Variants in PDE1C observed in about 807,000 individuals in gnomAD.
PDE1C encodes the protein dual specificity calcium/calmodulin-dependent 3',5'-cyclic nucleotide phosphodiesterase 1C.
In PDE1C, 62 loss-of-function variants were observed where a neutral mutation model predicts 93.1. The observed-to-expected ratio is 0.67, with a 90% confidence interval of 0.54 to 0.82. The LOEUF is 0.82. Ranked by LOEUF, PDE1C falls within the 40% of genes least tolerant of loss-of-function variation. The probability of loss-of-function intolerance (pLI) is 0.00; values close to 1 mark genes in which losing one functional copy is unlikely to be tolerated. For missense variants in PDE1C, 742 were observed against 884.6 expected, an observed-to-expected ratio of 0.84 and a Z score of 2.04; for synonymous variants, 325 against 310.1, an observed-to-expected ratio of 1.05 and a Z score of -0.50.
At chr7:32,293,838 C>G (rs1450356192) in intron 1 of PDE1C, among the ~76,000 whole-genome samples, 1 of 152,188 alleles carries the variant, frequency 6.6e-6, no homozygotes, top group Non-Finnish European at 1.5e-5. Flanking sequence ...CACTCCCAAC[C>G]AGGTGTAAAA....
At chr7:31,747,126 A>T (rs1794023787), downstream of PDE1C, among the ~76,000 whole-genome samples, 1 of 152,160 alleles carries the variant, frequency 6.6e-6, no homozygotes, top group African/African-American at 2.4e-5. Flanking sequence ...GGATGACAGG[A>T]GCATGGTTGA....
chr7:32,307,916 G>A (rs562037446), intron 1 of PDE1C, among the ~76,000 whole-genome samples: 107 of 152,324 alleles, frequency 7.0e-4, no homozygotes, highest in Middle Eastern at 3.4e-3. Flanking sequence ...TGCGTGAGCC[G>A]AAGCAGGGCG....
chr7:32,369,420 C>G (rs186357083), intron 1 of PDE1C, among the ~76,000 whole-genome samples: 219 of 152,172 alleles, frequency 1.4e-3, no homozygotes, highest in African/African-American at 5.1e-3. Flanking sequence ...TCAGTGAAAT[C>G]AAAATCACAG....
chr7:32,156,657 A>G (rs754502939), intron 3 of PDE1C, among the ~76,000 whole-genome samples: 18 of 152,200 alleles, frequency 1.2e-4, no homozygotes, highest in Non-Finnish European at 1.6e-4. Flanking sequence ...TCCAGAGTCT[A>G]CACTGATACT....
chr7:32,158,227 T>C (rs557730655), intron 3 of PDE1C, among the ~76,000 whole-genome samples: 1 of 152,338 alleles, frequency 6.6e-6, no homozygotes, highest in South Asian at 2.1e-4. Flanking sequence ...GCAGAGTTCA[T>C]GAGTCACGCT....
chr7:32,282,507 T>TAGATAGATAGATAGATAGATAGATAGAG (rs1562647692), intron 1 of PDE1C, among the ~76,000 whole-genome samples: 1 of 151,262 alleles, frequency 6.6e-6, no homozygotes, highest in Non-Finnish European at 1.5e-5. Flanking sequence ...GATAGATAGA[T>TAGATAGATAGATAGATAGATAGATAGAG]AGATGGTCAA....
At chr7:32,206,854 G>A (rs56188619) in intron 2 of PDE1C, among the ~76,000 whole-genome samples, 19,136 of 152,180 alleles carry the variant, frequency 0.13, 1,253 homozygotes, top group South Asian at 0.2. Flanking sequence ...TTCACACAGC[G>A]CACTCAAGTC....
chr7:32,171,793 C>G (rs1802669619), intron 2 of PDE1C, among the ~76,000 whole-genome samples: 1 of 149,308 alleles, frequency 6.7e-6, no homozygotes, highest in Non-Finnish European at 1.5e-5. Context: ...CTGAGGTAAC[C>G]AATTCCCTTG....
rs34671338 is a variant in PDE1C, at chr7:32,000,993, C to CGTGTGT, written c.128+50555_128+50560dup. On this transcript the variant is annotated intron_variant, in intron 2 of 17. Transcript: ENST00000396191. ...GTATACATGTGCCTGTGTGTGTATACGTGTGTGTGTGTGTGTGTGTGTGTA... is the reference window on the plus strand; with the variant it reads ...GTATACATGTGCCTGTGTGTGTATACGTGTGTGTGTGTGTGTGTGTGTGTGTGTGTA... Among the ~76,000 whole-genome samples, 109 of 149,166 alleles carry CGTGTGT rather than the reference C, an allele frequency of 7.3e-4. 5 individuals are homozygous for CGTGTGT. The highest frequency in any genetic ancestry group is 2.1e-3 in the African/African-American group (84 of 40,712).
Position 32,133,177 on chromosome 7 carries a change from T to C in PDE1C, c.308+36608A>G, listed in dbSNP as rs1186245769. On this transcript the variant is annotated intron_variant, in intron 3 of 18. Coordinates refer to the PDE1C transcript ENST00000396193. Reference sequence around the variant, plus strand: ...TATAAATTTGGCAGTCATGGACATATATACAGCGTTTAAAGACATGAGCTA... The same window carrying C: ...TATAAATTTGGCAGTCATGGACATACATACAGCGTTTAAAGACATGAGCTA... 3.9e-5 allele frequency among the ~76,000 whole-genome samples: 6 copies of C among 152,298 alleles called. No homozygotes were observed. In the South Asian group the frequency reaches 1.0e-3, roughly 26 times the overall value.
At chr7:31,653,180 A>G in the PDE1C span, 13 of 228,570 alleles carry the variant, frequency 5.7e-5, no homozygotes, top group Non-Finnish European at 4.3e-5. Context: ...TGCCAAGGTT[A>G]AGGATACACA....
upstream of PDE1C, among the ~76,000 whole-genome samples, chr7:32,300,341 G>A (rs535994955): frequency 6.6e-6 from 1 of 152,302 alleles, no homozygotes; most frequent in African/African-American, 2.4e-5. Flanking sequence ...GGTTGGTAGC[G>A]AGATTAATTA....
At chr7:32,106,373 T>C (rs1477069919) in intron 3 of PDE1C, among the ~76,000 whole-genome samples, 7 of 152,030 alleles carry the variant, frequency 4.6e-5, no homozygotes, top group Admixed American at 4.6e-4. Flanking sequence ...GTCCTTCTCT[T>C]AAATATGAGC....
At chr7:31,724,540 C>A in the PDE1C span, among the ~76,000 whole-genome samples, 1 of 152,182 alleles carries the variant, frequency 6.6e-6, no homozygotes, top group Admixed American at 6.5e-5. Flanking sequence ...GGGGGAAGGG[C>A]ATTGATCGTT....
intron 2 of PDE1C, among the ~76,000 whole-genome samples, chr7:32,033,262 G>C (rs962387858): frequency 6.6e-6 from 1 of 152,052 alleles, no homozygotes; most frequent in Non-Finnish European, 1.5e-5. Flanking sequence ...TGGGCTCAAA[G>C]AAAAGGGAGA....
intron 1 of PDE1C, among the ~76,000 whole-genome samples, chr7:32,213,566 A>G (rs980351475): frequency 6.6e-6 from 1 of 152,148 alleles, no homozygotes; most frequent in African/African-American, 2.4e-5. Context: ...TGACAGTCCA[A>G]CAGCACGCTG....
chr7:31,808,973 C>A, intron 16 of PDE1C, 58 bp downstream of exon 16: 3 of 989,310 alleles, frequency 3.0e-6, no homozygotes, highest in Non-Finnish European at 4.8e-6. Context: ...ATGATTCTAA[C>A]AAGCTTACAT....
chr7:32,048,441 A>G lies in PDE1C; in HGVS notation c.128+3113T>C, dbSNP rs191347378. On this transcript the variant is annotated intron_variant, in intron 2 of 17. Transcript: ENST00000396191. The stretch of plus-strand genomic sequence containing the variant: ...CAAGTGCAATTGCCCTGAGCCCACC[A>G]TGTAGTAAGAAGCCCAAGCCAGATG... 2.5e-3 allele frequency among the ~76,000 whole-genome samples: 376 copies of G among 152,192 alleles called. 1 individual carries two copies. The highest frequency in any genetic ancestry group is 8.3e-3 in the African/African-American group (343 of 41,526).
chr7:32,037,678 T>C (rs972491036), intron 2 of PDE1C, among the ~76,000 whole-genome samples: 3 of 152,226 alleles, frequency 2.0e-5, no homozygotes, highest in African/African-American at 7.2e-5. Context: ...TATGACTTTG[T>C]ACCTTTGTCA....
Sources: allele counts gnomAD v4.1 joint callset (sites outside exome capture counted in the v4.1 genomes callset), GRCh38; gene constraint gnomAD v4.1.1; transcripts MANE v1.5; gene names NCBI Gene and HGNC (gene_info 2026-07-23, HGNC 2026-07-21).